CSMD1: variants seen among roughly 807,000 people sequenced by gnomAD.
CSMD1 encodes the protein CUB and sushi domain-containing protein 1.
A neutral mutation model predicts 417.5 loss-of-function variants in CSMD1; 213 were observed. The ratio of observed to expected loss-of-function variants is 0.51; its 90% CI spans 0.46 to 0.57. CSMD1 has a LOEUF of 0.57. CSMD1 is among the 20% of genes least tolerant of loss of function. CSMD1 has a pLI of 0.00. For missense variants in CSMD1, 6,923 were observed against 4,529.7 expected, an observed-to-expected ratio of 1.53 and a Z score of -15.17; for synonymous variants, 2,862 against 1,736.8, an observed-to-expected ratio of 1.65 and a Z score of -16.11.
intron 7 of CSMD1, among the ~76,000 whole-genome samples, chr8:3,636,362 G>C (rs925161813): frequency 6.6e-5 from 10 of 152,176 alleles, no homozygotes; most frequent in Non-Finnish European, 1.2e-4. Flanking sequence ...ATTTTTAGTA[G>C]AGATGAGGGT....
intron 7 of CSMD1, among the ~76,000 whole-genome samples, chr8:3,690,077 G>T (rs755569727): frequency 6.6e-6 from 1 of 152,346 alleles, no homozygotes; most frequent in South Asian, 2.1e-4. Context: ...CATTGATCTA[G>T]GCTGCGCGTA....
intron 3 of CSMD1, among the ~76,000 whole-genome samples, chr8:4,086,428 T>C (rs761172933): frequency 6.6e-6 from 1 of 152,196 alleles, no homozygotes; most frequent in Non-Finnish European, 1.5e-5. Flanking sequence ...AAAATCATAT[T>C]TTCTTAAAAT....
At chr8:3,533,919 T>C (rs1008530950) in intron 10 of CSMD1, among the ~76,000 whole-genome samples, 2 of 152,218 alleles carry the variant, frequency 1.3e-5, no homozygotes, top group Admixed American at 1.3e-4. Flanking sequence ...AGAATCCCTT[T>C]GGTCCACCAA....
In CSMD1 at chr8:4,682,931, T is replaced by A. The variant is rs528620642; in HGVS notation, c.86-45373A>T. ...ATTTTTAGAGAAATGTTTCTCTCATTTCTTTAGGAGCAATAAGTATCTTCA... is the reference window on the plus strand; with the variant it reads ...ATTTTTAGAGAAATGTTTCTCTCATATCTTTAGGAGCAATAAGTATCTTCA... On this transcript the variant is annotated intron_variant, in intron 1 of 69. Transcript: ENST00000635120. Among the ~76,000 whole-genome samples, 11 of 144,316 alleles carry A rather than the reference T, an allele frequency of 7.6e-5. No individual in the cohort carries two copies. In the South Asian group the frequency reaches 2.4e-3, roughly 32 times the overall value. The allele number at this position is 144,316 out of a possible 152,430, so 94.7% of individuals were successfully genotyped here. A position where few individuals can be genotyped will look rare whatever the true frequency, so the allele number is the denominator to read the frequency against.
rs1228363847 is a variant in CSMD1, at chr8:3,949,946, A to T, written c.818+47957T>A. ...GCAGGACGTGAAAACACACATGGAG[A>T]GGTTCATGCCAGCAGAGCGACGTGT... On this transcript the variant is annotated intron_variant, in intron 5 of 69. Transcript: ENST00000635120. 4 of 455,872 alleles carry T rather than the reference A, an allele frequency of 8.8e-6. No homozygotes were observed. In the Admixed American group the frequency reaches 9.4e-5, roughly 11 times the overall value. The allele number at this position is 455,872 out of a possible 1,614,324, so 28.2% of individuals were successfully genotyped here. A position where few individuals can be genotyped will look rare whatever the true frequency, so the allele number is the denominator to read the frequency against.
chr8:4,920,488 G>A (rs1806362312), intron 1 of CSMD1, among the ~76,000 whole-genome samples: 1 of 152,070 alleles, frequency 6.6e-6, no homozygotes, highest in Non-Finnish European at 1.5e-5. Context: ...ATTTTTCTCA[G>A]GAATCAAGGA....
At chr8:3,065,995 G>C (rs1812914310) in intron 49 of CSMD1, among the ~76,000 whole-genome samples, 1 of 152,120 alleles carries the variant, frequency 6.6e-6, no homozygotes, top group Non-Finnish European at 1.5e-5. Context: ...GCAAATGACT[G>C]TTCAGTCATT....
At position 3,713,005 on chromosome 8, in the gene CSMD1, C is replaced by T. The variant is rs553559723; in HGVS notation, c.932-4514G>A. Among the ~76,000 whole-genome samples the T allele has an allele frequency of 4.0e-5, 6 of 151,802 alleles. No homozygotes were observed. The East Asian group carries it at 5.8e-4, about 15-fold the overall frequency. On this transcript the variant is annotated intron_variant, in intron 6 of 69. Transcript: ENST00000635120. ...GAGAGTTGACTTTAGGTTTTCTCAT[C>T]GCAAACCAAGAAGTATGTGAGGTTA...
chr8:3,032,038 A>G (rs1417090666), intron 50 of CSMD1, among the ~76,000 whole-genome samples: 1 of 151,464 alleles, frequency 6.6e-6, no homozygotes, highest in African/African-American at 2.4e-5. Context: ...TAGCCTGCCA[A>G]GAAAATACAT....
At chr8:3,777,302 T>C (rs1347835150) in intron 5 of CSMD1, among the ~76,000 whole-genome samples, 4 of 152,108 alleles carry the variant, frequency 2.6e-5, no homozygotes, top group African/African-American at 9.7e-5. Flanking sequence ...AGTAAATATT[T>C]GTTGGACAAA....
At chr8:3,308,234 A>G (rs1805040690) in intron 24 of CSMD1, 78 bp downstream of exon 24, 1 of 1,112,004 alleles carries the variant, frequency 9.0e-7, no homozygotes, top group African/African-American at 1.5e-5. Context: ...CTTTTCCAAT[A>G]AAGGAAGTCA....
intron 5 of CSMD1, among the ~76,000 whole-genome samples, chr8:3,919,215 G>GAA (rs1809049401): frequency 8.0e-6 from 1 of 125,122 alleles, no homozygotes; most frequent in Non-Finnish European, 1.7e-5. Context: ...AAAAAAGAAA[G>GAA]AAATCATTGT....
intron 3 of CSMD1, among the ~76,000 whole-genome samples, chr8:4,221,884 G>C (rs1381777281): frequency 6.6e-6 from 1 of 152,196 alleles, no homozygotes; most frequent in African/African-American, 2.4e-5. Context: ...ATTCTTAGCA[G>C]AGGAAATTCA....
At chr8:4,432,324 C>T (rs1004640594) in intron 2 of CSMD1, among the ~76,000 whole-genome samples, 1 of 152,154 alleles carries the variant, frequency 6.6e-6, no homozygotes, top group Non-Finnish European at 1.5e-5. Flanking sequence ...GCTTAAGTAA[C>T]TTACTCAAAG....
intron 3 of CSMD1, among the ~76,000 whole-genome samples, chr8:4,330,514 G>A (rs936071192): frequency 7.9e-5 from 12 of 151,716 alleles, no homozygotes; most frequent in Admixed American, 2.6e-4. Flanking sequence ...CACTTGAACC[G>A]AGGAGGCAGA....
chr8:4,371,667 T>C (rs1802403232), intron 3 of CSMD1, among the ~76,000 whole-genome samples: 1 of 152,226 alleles, frequency 6.6e-6, no homozygotes, highest in Non-Finnish European at 1.5e-5. Flanking sequence ...AAAGTTCTTA[T>C]ATCTTAAAGT....
In CSMD1 at chr8:2,973,548, G is replaced by A. The variant is rs533958893; in HGVS notation, c.8741-249C>T. Among the ~76,000 whole-genome samples the A allele has an allele frequency of 8.5e-5, 13 of 152,080 alleles. 1 individual carries two copies. In the South Asian group the frequency reaches 2.1e-3, roughly 24 times the overall value. Reference sequence around the variant, plus strand: ...TTCAAATATGGTTGTGAGAATAAACGACGTTTCCTTTGGAAGGAGGAAAAT... The same window carrying A: ...TTCAAATATGGTTGTGAGAATAAACAACGTTTCCTTTGGAAGGAGGAAAAT... On this transcript the variant is annotated intron_variant, in intron 56 of 69. Coordinates refer to ENST00000635120, the MANE Select transcript of CSMD1 (RefSeq NM_033225.6).
chr8:3,283,794 T>G (rs1016382178), intron 26 of CSMD1, among the ~76,000 whole-genome samples: 1 of 152,238 alleles, frequency 6.6e-6, no homozygotes, highest in Non-Finnish European at 1.5e-5. Context: ...CTAAATTCTA[T>G]CTTTTCGTCC....
At chr8:4,986,189 C>G (rs1470639502) in intron 1 of CSMD1, among the ~76,000 whole-genome samples, 2 of 152,074 alleles carry the variant, frequency 1.3e-5, no homozygotes, top group African/African-American at 4.8e-5. Context: ...CAGTGGAATC[C>G]ACCATTTTCA....
Sources: gnomAD v4.1 joint callset for allele counts (sites outside exome capture counted in the v4.1 genomes callset) on GRCh38, gnomAD v4.1.1 for gene constraint, MANE v1.5 for transcripts, NCBI Gene and HGNC (gene_info 2026-07-23, HGNC 2026-07-21) for gene names.